CTNNA2: variants seen among roughly 807,000 people sequenced by gnomAD.
CTNNA2 encodes catenin alpha-2.
In CTNNA2, 42 loss-of-function variants were observed where a neutral mutation model predicts 101.0. The observed-to-expected ratio is 0.42, with a 90% confidence interval of 0.32 to 0.54. CTNNA2 has a LOEUF of 0.54. Among genes scored for constraint, CTNNA2 ranks in the 20% least tolerant of loss-of-function variants. CTNNA2 has a pLI of 0.14. For missense variants in CTNNA2, 871 were observed against 1,223.1 expected, an observed-to-expected ratio of 0.71 and a Z score of 4.29; for synonymous variants, 450 against 456.4, an observed-to-expected ratio of 0.99 and a Z score of 0.18.
At chr2:80,634,653 AGGGT>A (rs1305405420) in intron 18 of CTNNA2, among the ~76,000 whole-genome samples, 1 of 152,134 alleles carries the variant, frequency 6.6e-6, no homozygotes. Flanking sequence ...AACGGGGTAA[AGGGT>A]GGGAAGCAAG....
chr2:80,526,773 T>C (rs1690077826), intron 9 of CTNNA2, among the ~76,000 whole-genome samples: 1 of 152,220 alleles, frequency 6.6e-6, no homozygotes, highest in African/African-American at 2.4e-5. Context: ...ACATTCCAAC[T>C]CTTGCGTCAT....
chr2:79,879,076 G>A (rs1372498178), intron 6 of CTNNA2, among the ~76,000 whole-genome samples: 1 of 152,040 alleles, frequency 6.6e-6, no homozygotes, highest in Admixed American at 6.6e-5. Flanking sequence ...TTTAATAGGA[G>A]ATTATTTCCC....
rs118019414 is a variant in CTNNA2 at position 79,611,632 on chromosome 2, C to T, written c.-5-39920C>T. ...GAGGAATGTTTAAGGTGAGCCACTG[C>T]GGAGGAGTTTATTGGGCAGGGTAGT... On this transcript the variant is annotated intron_variant, in intron 1 of 18. Coordinates refer to ENST00000402739, the MANE Select transcript of CTNNA2 (RefSeq NM_001282597.3). Among the ~76,000 whole-genome samples, 781 of 152,066 alleles carry T rather than the reference C, an allele frequency of 5.1e-3. 37 individuals are homozygous for T. The East Asian group carries it at 0.11, about 21-fold the overall frequency.
At chr2:79,644,775 ATC>A (rs1450569183) in intron 1 of CTNNA2, among the ~76,000 whole-genome samples, 6 of 152,008 alleles carry the variant, frequency 3.9e-5, no homozygotes, top group African/African-American at 1.5e-4. Context: ...ATTCCTTTAT[ATC>A]TCTCTCTTGC....
intron 7 of CTNNA2, among the ~76,000 whole-genome samples, chr2:80,058,932 A>G (rs1001617412): frequency 1.1e-4 from 16 of 152,202 alleles, no homozygotes; most frequent in African/African-American, 3.6e-4. Context: ...CCTGATTTAC[A>G]TGATATCTGC....
At chr2:80,634,426 C>T (rs1195057496) in intron 18 of CTNNA2, among the ~76,000 whole-genome samples, 5 of 151,944 alleles carry the variant, frequency 3.3e-5, no homozygotes, top group African/African-American at 7.3e-5. Flanking sequence ...CCTTACATTG[C>T]AAACATGACT....
chr2:80,327,976 T>C (rs771938921), intron 7 of CTNNA2, among the ~76,000 whole-genome samples: 2 of 152,208 alleles, frequency 1.3e-5, no homozygotes, highest in African/African-American at 2.4e-5. Context: ...TTTCCCACAA[T>C]TCGGATGCCT....
chr2:79,192,077 C>T (rs1428463129), intron 1 of CTNNA2, among the ~76,000 whole-genome samples: 1 of 151,730 alleles, frequency 6.6e-6, no homozygotes, highest in Non-Finnish European at 1.5e-5. Flanking sequence ...TGAGTTATTC[C>T]TTCTTTTTTT....
intron 3 of CTNNA2, among the ~76,000 whole-genome samples, chr2:79,843,944 G>A (rs1680013057): frequency 6.6e-6 from 1 of 152,162 alleles, no homozygotes; most frequent in African/African-American, 2.4e-5. Flanking sequence ...AGTAGAATGC[G>A]AACATCAGCA....
chr2:79,652,448 C>A (rs1000281095), intron 2 of CTNNA2, among the ~76,000 whole-genome samples: 1 of 152,214 alleles, frequency 6.6e-6, no homozygotes, highest in Admixed American at 6.5e-5. Flanking sequence ...CTTCTAGAAA[C>A]CACATCACTT....
intron 7 of CTNNA2, among the ~76,000 whole-genome samples, chr2:80,180,383 T>C (rs184069784): frequency 9.8e-5 from 15 of 152,346 alleles, no homozygotes; most frequent in African/African-American, 3.4e-4. Context: ...GCAATAAGCT[T>C]GCTGTCAATT....
chr2:80,347,711 G>A (rs1343402338), intron 7 of CTNNA2, among the ~76,000 whole-genome samples: 1 of 152,102 alleles, frequency 6.6e-6, no homozygotes, highest in African/African-American at 2.4e-5. Flanking sequence ...TGTAGTTCCG[G>A]AGCAGTAGCA....
intron 2 of CTNNA2, among the ~76,000 whole-genome samples, chr2:79,716,239 T>G (rs191707517): frequency 6.6e-6 from 1 of 152,332 alleles, no homozygotes; most frequent in African/African-American, 2.4e-5. Flanking sequence ...CAATTTATTT[T>G]AATTTTATTT....
chr2:80,563,067 G>C (rs1333960922), intron 12 of CTNNA2, among the ~76,000 whole-genome samples: 1 of 139,116 alleles, frequency 7.2e-6, no homozygotes, highest in African/African-American at 2.8e-5. Context: ...AAAAAAGAAA[G>C]ACATGAATCT....
intron 7 of CTNNA2, among the ~76,000 whole-genome samples, chr2:80,151,598 G>T (rs1022801273): frequency 2.0e-5 from 3 of 152,108 alleles, no homozygotes; most frequent in African/African-American, 7.2e-5. Context: ...CACTTGACTT[G>T]GCAGTACAAG....
intron 1 of CTNNA2, among the ~76,000 whole-genome samples, chr2:79,556,092 A>G (rs189201220): frequency 2.4e-4 from 36 of 152,248 alleles, no homozygotes; most frequent in African/African-American, 7.7e-4. Flanking sequence ...ATTGAGTAAT[A>G]TATCCTCCTC....
At chr2:79,459,394 G>A (rs1382155807) in intron 4 of CTNNA2, among the ~76,000 whole-genome samples, 1 of 151,168 alleles carries the variant, frequency 6.6e-6, no homozygotes. Context: ...AAGTAAAAAG[G>A]ATTTTTTTTT....
intron 2 of CTNNA2, among the ~76,000 whole-genome samples, chr2:79,289,749 A>C (rs571603614): frequency 6.6e-6 from 1 of 152,308 alleles, no homozygotes; most frequent in African/African-American, 2.4e-5. Flanking sequence ...CATCTCAAAA[A>C]AAGAAATAGA....
At chr2:79,802,430 A>G (rs1440854180) in intron 3 of CTNNA2, among the ~76,000 whole-genome samples, 1 of 152,214 alleles carries the variant, frequency 6.6e-6, no homozygotes, top group Non-Finnish European at 1.5e-5. Context: ...ATTTGAGGAC[A>G]TCATGCCAAG....
Sources: allele counts gnomAD v4.1 joint callset (sites outside exome capture counted in the v4.1 genomes callset), GRCh38; gene constraint gnomAD v4.1.1; transcripts MANE v1.5; gene names NCBI Gene and HGNC (gene_info 2026-07-23, HGNC 2026-07-21).